Variants in STARD13 observed in about 807,000 individuals in gnomAD.
STARD13 encodes StAR related lipid transfer domain containing 13.
Under a neutral mutation model 106.4 loss-of-function variants are expected in STARD13, and 62 were observed. The observed-to-expected ratio is 0.58, with a 90% CI of 0.48 to 0.72. STARD13 has a LOEUF of 0.72. Ranked by LOEUF, STARD13 falls within the 30% of genes least tolerant of loss-of-function variation. STARD13 has a pLI of 0.00. For missense variants in STARD13, 1,387 were observed against 1,424.0 expected, an observed-to-expected ratio of 0.97 and a Z score of 0.42; for synonymous variants, 565 against 553.0, an observed-to-expected ratio of 1.02 and a Z score of -0.31.
At chr13:33,414,979 G>T in the STARD13 span, among the ~76,000 whole-genome samples, 321 of 152,102 alleles carry the variant, frequency 2.1e-3, no homozygotes, top group African/African-American at 7.6e-3. Flanking sequence ...TAAGCCCCTC[G>T]CTTCCCTCTT....
At position 33,170,216 on chromosome 13, in the gene STARD13, A is replaced by G. The variant is rs114429893; in HGVS notation, c.170-2594T>C. 9.9e-3 allele frequency among the ~76,000 whole-genome samples: 1,508 copies of G among 152,362 alleles called. 31 individuals carry two copies. Among genetic ancestry groups the G allele is most frequent in the African/African-American group, 0.034 (1,434 of 41,586 alleles). ...CGAGGGGATGAATACCCTATTCTCC[A>G]TGATGTAATGAGTTCATATTGCACA... On this transcript the variant is annotated intron_variant, in intron 1 of 13. Coordinates refer to ENST00000336934, the MANE Select transcript of STARD13 (RefSeq NM_178006.4).
At chr13:33,274,904 C>T (rs538652878) in intron 1 of STARD13, among the ~76,000 whole-genome samples, 2 of 152,276 alleles carry the variant, frequency 1.3e-5, no homozygotes, top group Admixed American at 1.3e-4. Flanking sequence ...CAAGAACCTC[C>T]CGGCCCTTCG....
intron 8 of STARD13, among the ~76,000 whole-genome samples, chr13:33,114,927 T>C (rs1272428377): frequency 6.6e-6 from 1 of 152,148 alleles, no homozygotes; most frequent in East Asian, 1.9e-4. Context: ...ACCATGCTGC[T>C]GCGGGTCCTG....
chr13:33,350,228 GCGGGCTA>G, intron 1 of STARD13: 1 of 1,462,712 alleles, frequency 6.8e-7, no homozygotes. Flanking sequence ...GCGGGCCCGG[GCGGGCTA>G]CGGGGCCGGC....
chr13:33,323,138 G>A (rs1893620423), intron 1 of STARD13, among the ~76,000 whole-genome samples: 1 of 152,168 alleles, frequency 6.6e-6, no homozygotes, highest in South Asian at 2.1e-4. Context: ...TACCAGGGTT[G>A]TGCCACACTG....
chr13:33,426,553 A>G, the STARD13 span, among the ~76,000 whole-genome samples: 1 of 152,140 alleles, frequency 6.6e-6, no homozygotes, highest in Admixed American at 6.5e-5. Flanking sequence ...AAAACTATTC[A>G]TTATAAGCAT....
At chr13:33,228,598 C>T (rs1888741701) in intron 1 of STARD13, among the ~76,000 whole-genome samples, 1 of 152,070 alleles carries the variant, frequency 6.6e-6, no homozygotes, top group African/African-American at 2.4e-5. Flanking sequence ...CACCAGTATC[C>T]CTATCTTCCT....
chr13:33,125,343 T>G (rs1876999268), intron 7 of STARD13, among the ~76,000 whole-genome samples: 1 of 152,176 alleles, frequency 6.6e-6, no homozygotes, highest in African/African-American at 2.4e-5. Context: ...GAACACAACT[T>G]TTATTTTGGA....
intron 7 of STARD13, among the ~76,000 whole-genome samples, chr13:33,124,131 C>T (rs565565959): frequency 3.7e-4 from 57 of 152,310 alleles, no homozygotes; most frequent in African/African-American, 1.4e-4. Flanking sequence ...CTGAAATCTC[C>T]GGAAAAGCCA....
chr13:33,546,216 T>A, the STARD13 span, among the ~76,000 whole-genome samples: 1 of 152,168 alleles, frequency 6.6e-6, no homozygotes, highest in Non-Finnish European at 1.5e-5. Flanking sequence ...CTTTTCTGAT[T>A]TTTTTCTCTT....
chr13:33,117,813 A>G (rs1467922297), intron 8 of STARD13: 1 of 982,782 alleles, frequency 1.0e-6, no homozygotes, highest in African/African-American at 1.7e-5. Flanking sequence ...TTTGTTTTAG[A>G]TCATACACAA....
At chr13:33,552,742 T>G in the STARD13 span, among the ~76,000 whole-genome samples, 1 of 152,128 alleles carries the variant, frequency 6.6e-6, no homozygotes, top group African/African-American at 2.4e-5. Context: ...TAAAAAGAGA[T>G]AAATAATAGA....
At chr13:33,552,499 A>T in the STARD13 span, among the ~76,000 whole-genome samples, 2 of 152,232 alleles carry the variant, frequency 1.3e-5, no homozygotes, top group Non-Finnish European at 2.9e-5. Context: ...TTTTGTGGTG[A>T]TGGAAACATT....
chr13:33,638,090 T>C, the STARD13 span, among the ~76,000 whole-genome samples: 1 of 152,214 alleles, frequency 6.6e-6, no homozygotes, highest in Non-Finnish European at 1.5e-5. Flanking sequence ...TTTGAAGGGA[T>C]TTATTCTGAG....
At chr13:33,201,196 C>T (rs949380699) in intron 1 of STARD13, among the ~76,000 whole-genome samples, 19 of 152,178 alleles carry the variant, frequency 1.2e-4, no homozygotes, top group Non-Finnish European at 1.5e-4. Flanking sequence ...GCCCCTGTAC[C>T]GAGAGCTTCA....
At chr13:33,528,480 C>T in the STARD13 span, among the ~76,000 whole-genome samples, 1 of 151,128 alleles carries the variant, frequency 6.6e-6, no homozygotes, top group African/African-American at 2.4e-5. Flanking sequence ...CGCTATGTTA[C>T]CCAGGCTGAT....
intron 4 of STARD13, among the ~76,000 whole-genome samples, chr13:33,141,334 T>C (rs1431167341): frequency 1.3e-5 from 2 of 152,214 alleles, no homozygotes; most frequent in East Asian, 3.8e-4. Flanking sequence ...AAGATTTACC[T>C]TCCTTATAGA....
intron 1 of STARD13, among the ~76,000 whole-genome samples, chr13:33,203,184 G>A (rs971243553): frequency 2.0e-5 from 3 of 152,140 alleles, no homozygotes; most frequent in African/African-American, 4.8e-5. Context: ...GATTCTAGGG[G>A]CCACCACACA....
chr13:33,341,845 A>G (rs2077964909), intron 1 of STARD13, among the ~76,000 whole-genome samples: 1 of 151,352 alleles, frequency 6.6e-6, no homozygotes, highest in African/African-American at 2.4e-5. Context: ...GCTGGAGTGC[A>G]CTGGTACAAT....
Sources: gnomAD v4.1 joint callset for allele counts (sites outside exome capture counted in the v4.1 genomes callset) on GRCh38, gnomAD v4.1.1 for gene constraint, MANE v1.5 for transcripts, NCBI Gene and HGNC (gene_info 2026-07-23, HGNC 2026-07-21) for gene names.